The following AUTS2 variants were observed in gnomAD, a reference collection of about 807,000 sequenced individuals.
AUTS2 encodes activator of transcription and developmental regulator AUTS2.
In AUTS2, 17 loss-of-function variants were observed where a neutral mutation model predicts 112.4. The ratio of observed to expected loss-of-function variants is 0.15; its 90% CI spans 0.10 to 0.23. The LOEUF (loss-of-function observed/expected upper bound fraction) is 0.23, where lower values mean the gene tolerates loss of function less well. Among genes scored for constraint, AUTS2 ranks in the 10% least tolerant of loss-of-function variants. The pLI is 1.00. For synonymous variants in AUTS2, 751 were observed against 702.7 expected (o/e 1.07, Z -1.09); for missense variants, 1,510 against 1,701.6 (o/e 0.89, Z 1.98).
chr7:69,786,744 G>A (rs1200538273), intron 1 of AUTS2, among the ~76,000 whole-genome samples: 5 of 152,104 alleles, frequency 3.3e-5, no homozygotes, highest in African/African-American at 4.8e-5. Flanking sequence ...CTGAGCCACC[G>A]TGCCTGACCT....
chr7:70,299,769 A>G (rs1340241838), intron 4 of AUTS2, among the ~76,000 whole-genome samples: 3 of 151,958 alleles, frequency 2.0e-5, no homozygotes, highest in African/African-American at 4.8e-5. Context: ...ATCCAGACCT[A>G]TAGAATCGGT....
intron 6 of AUTS2, among the ~76,000 whole-genome samples, chr7:70,740,952 G>T (rs1471122663): frequency 1.3e-5 from 2 of 151,858 alleles, no homozygotes; most frequent in African/African-American, 4.8e-5. Context: ...AAATTAGCCG[G>T]GCATGGTGGC....
chr7:70,099,245 T>C (rs1804360054), intron 2 of AUTS2, among the ~76,000 whole-genome samples: 1 of 152,214 alleles, frequency 6.6e-6, no homozygotes, highest in Admixed American at 6.5e-5. Context: ...TACATGTTCT[T>C]GTGTATTTAA....
intron 2 of AUTS2, among the ~76,000 whole-genome samples, chr7:70,087,832 C>T (rs1803691517): frequency 6.6e-6 from 1 of 152,088 alleles, no homozygotes; most frequent in African/African-American, 2.4e-5. Context: ...ATCAGCGAAG[C>T]CCTTGGGCCT....
chr7:70,436,090 C>A (rs1226602204), intron 5 of AUTS2: 5 of 289,944 alleles, frequency 1.7e-5, no homozygotes, highest in Non-Finnish European at 3.2e-5. Flanking sequence ...ATTTTAATAA[C>A]CATCTGATTT....
intron 5 of AUTS2, among the ~76,000 whole-genome samples, chr7:70,642,780 C>T (rs1414641936): frequency 2.3e-5 from 1 of 42,700 alleles, no homozygotes; most frequent in Non-Finnish European, 3.9e-5. Context: ...GCTGTCAGCA[C>T]ATAAACATGC....
At chr7:70,588,133 TA>T (rs1015434122) in intron 5 of AUTS2, among the ~76,000 whole-genome samples, 1 of 152,178 alleles carries the variant, frequency 6.6e-6, no homozygotes, top group African/African-American at 2.4e-5. Context: ...ATGCTCTGTT[TA>T]AAAGGAATGA....
At chr7:69,953,919 A>G (rs12698823) in intron 2 of AUTS2, among the ~76,000 whole-genome samples, 20,968 of 152,080 alleles carry the variant, frequency 0.14, 1,475 homozygotes, top group Middle Eastern at 0.19. Context: ...CTGTCTGCAT[A>G]TACCTCACAG....
intron 5 of AUTS2, among the ~76,000 whole-genome samples, chr7:70,500,064 C>CA (rs1798710707): frequency 6.6e-6 from 1 of 152,064 alleles, no homozygotes; most frequent in Non-Finnish European, 1.5e-5. Context: ...TACAGTATTG[C>CA]CCAAGAGGTG....
At position 70,449,704 on chromosome 7, in the gene AUTS2, A is replaced by G. The variant is rs915103621; in HGVS notation, c.690+13923A>G. Reference sequence around the variant, plus strand: ...TATGGATACGTATTTACAATTATGTATAATAATTGCCTAAATATTCATAGA... The same window carrying G: ...TATGGATACGTATTTACAATTATGTGTAATAATTGCCTAAATATTCATAGA... On this transcript the variant is annotated intron_variant, in intron 5 of 18. Coordinates refer to ENST00000342771, the MANE Select transcript of AUTS2 (RefSeq NM_015570.4). Among the ~76,000 whole-genome samples, 6 of 152,350 alleles carry G rather than the reference A, an allele frequency of 3.9e-5. No individual in the cohort carries two copies. The East Asian group carries it at 1.2e-3, about 29-fold the overall frequency.
chr7:69,941,281 G>A (rs925088135), intron 2 of AUTS2, among the ~76,000 whole-genome samples: 2 of 152,174 alleles, frequency 1.3e-5, no homozygotes, highest in Admixed American at 6.5e-5. Context: ...TGGGAGGGAC[G>A]GATGAATGCC....
chr7:69,654,000 G>C lies in AUTS2; in HGVS notation c.309+54038G>C, dbSNP rs1244272711. 2.6e-5 allele frequency among the ~76,000 whole-genome samples: 4 copies of C among 152,308 alleles called. No homozygotes were observed. In the East Asian group the frequency reaches 7.7e-4, roughly 29 times the overall value. ...GAGGGGAAAAATTGGATCAGTTAGGGGAAATTTATAAAACTTCTGTATTCT... is the reference window on the plus strand; with the variant it reads ...GAGGGGAAAAATTGGATCAGTTAGGCGAAATTTATAAAACTTCTGTATTCT... On this transcript the variant is annotated intron_variant, in intron 1 of 18. Coordinates refer to ENST00000342771, the MANE Select transcript of AUTS2 (RefSeq NM_015570.4).
chr7:70,330,801 A>G (rs974925115), intron 4 of AUTS2, among the ~76,000 whole-genome samples: 3 of 152,326 alleles, frequency 2.0e-5, no homozygotes, highest in East Asian at 1.9e-4. Flanking sequence ...AATTTCTTTT[A>G]GTAATGTTTA....
chr7:70,628,548 A>G (rs1805082764), intron 5 of AUTS2, among the ~76,000 whole-genome samples: 1 of 35,384 alleles, frequency 2.8e-5, no homozygotes, highest in South Asian at 1.2e-3. Context: ...GTAAAAGACC[A>G]TGCTATTAAT....
chr7:70,244,146 T>C (rs1239302859), intron 4 of AUTS2, among the ~76,000 whole-genome samples: 1 of 152,104 alleles, frequency 6.6e-6, no homozygotes, highest in African/African-American at 2.4e-5. Context: ...AAGAAAAAGT[T>C]ATTTTTTTAT....
At chr7:70,524,352 G>A (rs770310951) in intron 5 of AUTS2, among the ~76,000 whole-genome samples, 1 of 152,160 alleles carries the variant, frequency 6.6e-6, no homozygotes, top group Non-Finnish European at 1.5e-5. Context: ...CCATATAGTT[G>A]GTCAGGTATG....
intron 1 of AUTS2, among the ~76,000 whole-genome samples, chr7:69,898,431 G>A (rs566217747): frequency 6.6e-6 from 1 of 152,152 alleles, no homozygotes; most frequent in Non-Finnish European, 1.5e-5. Context: ...CATTTTGCAC[G>A]TGGTCTCAGA....
intron 2 of AUTS2, among the ~76,000 whole-genome samples, chr7:69,978,133 C>A (rs909429941): frequency 2.0e-5 from 3 of 152,112 alleles, no homozygotes; most frequent in Admixed American, 6.5e-5. Flanking sequence ...CTTTTATTAT[C>A]TTCATCTTTC....
intron 4 of AUTS2, among the ~76,000 whole-genome samples, chr7:70,204,212 A>G (rs1335909140): frequency 1.3e-5 from 2 of 152,216 alleles, no homozygotes; most frequent in African/African-American, 4.8e-5. Flanking sequence ...TCAAAAGGAT[A>G]TAAATACATT....
Sources: allele counts gnomAD v4.1 joint callset (sites outside exome capture counted in the v4.1 genomes callset), GRCh38; gene constraint gnomAD v4.1.1; transcripts MANE v1.5; gene names NCBI Gene and HGNC (gene_info 2026-07-23, HGNC 2026-07-21).